HOXD3: variants seen among roughly 807,000 people sequenced by gnomAD.
HOXD3 encodes the protein homeobox D3, also known as homeobox protein Hox-D3.
HOXD3 carries 13 observed loss-of-function variants against 32.8 expected under a neutral mutation model. The ratio of observed to expected loss-of-function variants is 0.40; its 90% CI spans 0.26 to 0.63. HOXD3 has a LOEUF of 0.63. Among genes scored for constraint, HOXD3 ranks in the 20% least tolerant of loss-of-function variants. The pLI is 0.44. For missense variants in HOXD3, 504 were observed against 577.1 expected (o/e 0.87, Z 1.30); for synonymous variants, 241 against 246.8 (o/e 0.98, Z 0.22).
chr2:176,170,500 T>C (rs1439683274), intron 3 of HOXD3, among the ~76,000 whole-genome samples: 1 of 152,210 alleles, frequency 6.6e-6, no homozygotes, highest in Non-Finnish European at 1.5e-5. Context: ...TTCTCTCTGC[T>C]TAGACTGCTT....
intron 1 of HOXD3, among the ~76,000 whole-genome samples, chr2:176,162,453 C>T (rs1446471224): frequency 6.6e-6 from 1 of 152,180 alleles, no homozygotes; most frequent in Non-Finnish European, 1.5e-5. Context: ...GGACGCAGCT[C>T]CTTCCTGCTC....
chr2:176,157,610 G>A (rs1690676250), intron 1 of HOXD3, among the ~76,000 whole-genome samples, 158 bp downstream of exon 1: 1 of 152,176 alleles, frequency 6.6e-6, no homozygotes, highest in Non-Finnish European at 1.5e-5. Flanking sequence ...GTTCAGCAAA[G>A]CTTTGCACTT....
intron 3 of HOXD3, among the ~76,000 whole-genome samples, chr2:176,170,562 T>C (rs1691136959): frequency 6.6e-6 from 1 of 152,186 alleles, no homozygotes; most frequent in South Asian, 2.1e-4. Flanking sequence ...TATCTTCAGG[T>C]AGATGAACTT....
In HOXD3 at chr2:176,172,422, A is replaced by T; in HGVS notation, c.*148A>T. 2 of 735,750 alleles carry T rather than the reference A, an allele frequency of 2.7e-6. No individual in the cohort carries two copies. Among genetic ancestry groups the T allele is most frequent in the Non-Finnish European group, 4.3e-6 (2 of 467,426 alleles). 45.6% of individuals were successfully genotyped at this position (735,750 alleles called of 1,614,324 possible). ...CCGGGTCTCAGGCCTCCAGCGGCGG[A>T]GGCGCAGGCGACCGGGCCTCCCCTC... On this transcript the variant is annotated 3_prime_UTR_variant, in exon 4 of 4. Transcript: ENST00000683222.
chr2:176,155,677 T>G (rs904207898), upstream of HOXD3, among the ~76,000 whole-genome samples: 2 of 152,226 alleles, frequency 1.3e-5, no homozygotes, highest in Non-Finnish European at 2.9e-5. Flanking sequence ...TCTGAGAACG[T>G]GCTTTGGAGA....
upstream of HOXD3, chr2:176,153,297 C>G (rs1457825200): frequency 1.7e-5 from 5 of 298,408 alleles, no homozygotes; most frequent in Non-Finnish European, 3.2e-5. Flanking sequence ...GACATTCTCC[C>G]CCACTCCACC....
intron 3 of HOXD3, 58 bp downstream of exon 3, chr2:176,169,713 A>G: frequency 6.6e-7 from 1 of 1,519,048 alleles, no homozygotes; most frequent in Admixed American, 2.2e-5. Flanking sequence ...GACCCAAGGA[A>G]GCCTAGTCAG....
At chr2:176,161,265 AGGCGCGCTTTGTGGGGACGTTC>A (rs1224999903) in intron 1 of HOXD3, among the ~76,000 whole-genome samples, 1 of 152,152 alleles carries the variant, frequency 6.6e-6, no homozygotes, top group African/African-American at 2.4e-5. Context: ...AATCGTAACA[AGGCGCGCTTTGTGGGGACGTTC>A]CCCGCCTACC....
intron 2 of HOXD3, among the ~76,000 whole-genome samples, chr2:176,168,302 C>T (rs1473059580): frequency 1.3e-5 from 2 of 150,786 alleles, no homozygotes; most frequent in Admixed American, 6.6e-5. Context: ...CGCAGTGGCT[C>T]ACACCTGTAA....
intron 3 of HOXD3, among the ~76,000 whole-genome samples, chr2:176,170,888 C>T (rs1259359022): frequency 1.0e-5 from 1 of 98,238 alleles, no homozygotes; most frequent in East Asian, 3.0e-4. Flanking sequence ...CCTAAAATAC[C>T]CAGGCAGTGT....
In HOXD3 at chr2:176,169,389, G is replaced by A. The variant is rs751122506; in HGVS notation, c.275G>A (p.Arg92Gln). 40 of 1,613,862 alleles carry A rather than the reference G, an allele frequency of 2.5e-5. No homozygotes were observed. In the South Asian group the frequency reaches 2.9e-4, roughly 12 times the overall value. Residue 92 changes from arginine (R) to glutamine (Q), a missense_variant, in exon 3 of 4, where the codon CGG (arginine) becomes CAG (glutamine). Transcript: ENST00000683222. The stretch of plus-strand genomic sequence containing the variant: ...GCTGAACTCAATGGCAGCTGCATGC[G>A]GCCGGGCACTGGGAACAGCCAGGGT... Reference protein sequence around the residue: ...KGAELNGSCMRPGTGNSQGGG... With the variant: ...KGAELNGSCMQPGTGNSQGGG...
upstream of HOXD3, chr2:176,152,878 T>G: frequency 1.2e-6 from 2 of 1,614,100 alleles, no homozygotes; most frequent in South Asian, 2.2e-5. This position sits in a 1 kb window ranked among gnomAD's most constrained non-coding sequence, Gnocchi z 5.2. Flanking sequence ...TCCTCCTCAG[T>G]CGCCCCCAGC....
upstream of HOXD3, chr2:176,152,539 C>A (rs1169543397): frequency 3.0e-6 from 4 of 1,333,806 alleles, no homozygotes; most frequent in Middle Eastern, 2.3e-4. The surrounding 1 kb of genome is among the most constrained non-coding windows in gnomAD (Gnocchi z 5.2). Context: ...AGGAAGTGAG[C>A]GGCGGAGGCG....
At position 176,171,994 on chromosome 2, in the gene HOXD3, C is replaced by G; in HGVS notation, c.1019C>G (p.Ala340Gly). Residue 340 changes from alanine to glycine, a missense_variant, in exon 4 of 4, where the codon GCG (alanine) becomes GGG (glycine). Physicochemically the swap from Ala to Gly is moderately conservative, Grantham distance 60. Transcript: ENST00000683222. ...AAPEFEPHPM[A>G]SNGGGFASAN... ...CCGGAGTTCGAGCCCCATCCCATGG[C>G]GAGCAACGGCGGCGGCTTCGCCAGC... The G allele has an allele frequency of 6.2e-7, 1 of 1,609,924 alleles. No homozygotes were observed. Among genetic ancestry groups the G allele is most frequent in the Non-Finnish European group, 8.5e-7 (1 of 1,179,326 alleles).
At chr2:176,153,907 T>TA (rs1159322291), upstream of HOXD3, among the ~76,000 whole-genome samples, 1 of 152,192 alleles carries the variant, frequency 6.6e-6, no homozygotes, top group Non-Finnish European at 1.5e-5. Flanking sequence ...ACTGGGTCAT[T>TA]AGATAATGAC....
intron 1 of HOXD3, among the ~76,000 whole-genome samples, chr2:176,163,155 TGA>T (rs908898406): frequency 1.6e-4 from 25 of 152,030 alleles, no homozygotes; most frequent in African/African-American, 5.3e-4. Context: ...CATTAAGGGG[TGA>T]GTTATTGCGG....
chr2:176,157,099 G>A (rs536323966), upstream of HOXD3, among the ~76,000 whole-genome samples: 39 of 152,216 alleles, frequency 2.6e-4, no homozygotes, highest in Non-Finnish European at 4.9e-4. Context: ...GGCGGACGGC[G>A]CTTCCCGCCC....
intron 2 of HOXD3, among the ~76,000 whole-genome samples, chr2:176,168,402 AC>A (rs2105449092): frequency 6.6e-6 from 1 of 152,242 alleles, no homozygotes; most frequent in East Asian, 1.9e-4. Flanking sequence ...CCCTGTCTCT[AC>A]TAAAAATATA....
intron 1 of HOXD3, among the ~76,000 whole-genome samples, chr2:176,157,704 CAG>C (rs1690678345): frequency 6.6e-6 from 1 of 151,854 alleles, no homozygotes; most frequent in East Asian, 1.9e-4. Context: ...GAGGGAGAGA[CAG>C]AGACAGAGAC....
Sources: gnomAD v4.1 joint callset for allele counts (sites outside exome capture counted in the v4.1 genomes callset) on GRCh38, gnomAD v4.1.1 for gene constraint, Gnocchi (gnomAD v3.1) non-coding constraint, MANE v1.5 for transcripts, NCBI Gene and HGNC (gene_info 2026-07-23, HGNC 2026-07-21) for gene names.